Variants in TRERF1 observed in about 807,000 individuals in gnomAD.
The protein encoded by TRERF1 is transcriptional regulating factor 1, also known as transcriptional-regulating factor 1.
A neutral mutation model predicts 122.9 loss-of-function variants in TRERF1; 27 were observed. That is an observed-to-expected ratio of 0.22 (90% CI 0.16 to 0.30). TRERF1 has a LOEUF of 0.30. Among genes scored for constraint, TRERF1 ranks in the 10% least tolerant of loss-of-function variants. The pLI is 1.00. For missense variants in TRERF1, 1,248 were observed against 1,560.3 expected (o/e 0.80, Z 3.37); for synonymous variants, 636 against 641.7 (o/e 0.99, Z 0.13).
chr6:42,342,198 G>A lies in TRERF1; in HGVS notation c.-371+20799C>T, dbSNP rs540172319. Among the ~76,000 whole-genome samples the A allele has an allele frequency of 9.9e-4, 151 of 152,336 alleles. 1 individual carries two copies. The highest frequency in any genetic ancestry group is 2.5e-3 in the Admixed American group (38 of 15,300). On this transcript the variant is annotated intron_variant, in intron 3 of 17. Coordinates refer to ENST00000372922, the Ensembl canonical transcript of TRERF1. ...GAAAGCCCAACACGCAGTTGCTGAT[G>A]ACTGTCCCTTCCGCTTAGGGCATTC... is the stretch of plus-strand genomic sequence containing the variant.
intron 4 of TRERF1, among the ~76,000 whole-genome samples, chr6:42,277,722 A>G (rs753932093): frequency 2.0e-5 from 3 of 152,082 alleles, no homozygotes; most frequent in Non-Finnish European, 4.4e-5. Context: ...GTGCGCCTGT[A>G]GTCCCAGCTA....
intron 2 of TRERF1, among the ~76,000 whole-genome samples, chr6:42,409,009 C>T (rs986331690): frequency 6.6e-6 from 1 of 152,080 alleles, no homozygotes; most frequent in African/African-American, 2.4e-5. Flanking sequence ...TCTTCCAGGT[C>T]AGGCGCGGTG....
At chr6:42,233,411 G>A (rs570984549) in intron 16 of TRERF1, among the ~76,000 whole-genome samples, 11 of 149,206 alleles carry the variant, frequency 7.4e-5, no homozygotes, top group African/African-American at 1.2e-4. Context: ...TCAGCCTCCC[G>A]AGTAGCTGGG....
At chr6:42,254,740 G>C in intron 13 of TRERF1, 111 bp downstream of exon 13, 3 of 1,001,004 alleles carry the variant, frequency 3.0e-6, no homozygotes, top group Non-Finnish European at 4.7e-6. Flanking sequence ...GAGATCACAA[G>C]TGGTGATTAG....
intron 2 of TRERF1, among the ~76,000 whole-genome samples, chr6:42,434,872 A>C (rs1785054725): frequency 6.6e-6 from 1 of 152,194 alleles, no homozygotes; most frequent in Non-Finnish European, 1.5e-5. Context: ...TCATGCTTGT[A>C]ATCCCAGCAC....
chr6:42,451,588 G>A (rs1043889826), intron 1 of TRERF1, among the ~76,000 whole-genome samples, 86 bp downstream of exon 1: 16 of 150,198 alleles, frequency 1.1e-4, no homozygotes, highest in Admixed American at 3.3e-4. Flanking sequence ...CTCCCCGCAG[G>A]AAATCTGCTC....
rs745802102 is a variant in TRERF1 at position 42,228,553 on chromosome 6, A to G, written c.3395T>C (p.Ile1132Thr). 11 of 1,614,100 alleles carry G rather than the reference A, an allele frequency of 6.8e-6. No individual in the cohort carries two copies. Among genetic ancestry groups the G allele is most frequent in the Non-Finnish European group, 8.5e-6 (10 of 1,180,014 alleles). ...CCCCACGGGCCCCGTAGTCCTCTCA[A>G]TCGTGGCTGCCATCTCAGCTGCAAA... is the stretch of plus-strand genomic sequence containing the variant. Residue 1132 changes from isoleucine to threonine, a missense_variant, in exon 18 of 18, where the codon ATT becomes ACT. Coordinates refer to ENST00000372922, the Ensembl canonical transcript of TRERF1. This position sits in a 1 kb window ranked among gnomAD's most constrained non-coding sequence, Gnocchi z 4.2.
intron 3 of TRERF1, among the ~76,000 whole-genome samples, chr6:42,328,381 C>T (rs1764684545): frequency 6.6e-6 from 1 of 152,122 alleles, no homozygotes; most frequent in Non-Finnish European, 1.5e-5. Flanking sequence ...AGTACCTCTG[C>T]AGGTTTGTTA....
intron 2 of TRERF1, among the ~76,000 whole-genome samples, chr6:42,369,278 C>T (rs1246563303): frequency 2.6e-5 from 4 of 152,052 alleles, no homozygotes; most frequent in African/African-American, 9.7e-5. Flanking sequence ...GGTGAAACCC[C>T]GTCTCTACTA....
intron 3 of TRERF1, among the ~76,000 whole-genome samples, chr6:42,349,343 C>A (rs1768948715): frequency 6.6e-6 from 1 of 152,008 alleles, no homozygotes; most frequent in Admixed American, 6.6e-5. Flanking sequence ...AAAGCCTCAC[C>A]TGAGGCCGGA....
At chr6:42,257,042 G>A in exon 11 of TRERF1, 3 of 1,614,194 alleles carry the variant, frequency 1.9e-6, no homozygotes, top group Non-Finnish European at 2.5e-6. Context: ...CCTGGGCCAG[G>A]GCAGAGATAT....
intron 3 of TRERF1, among the ~76,000 whole-genome samples, chr6:42,343,856 C>T (rs867165240): frequency 1.9e-4 from 29 of 152,194 alleles, no homozygotes; most frequent in Non-Finnish European, 1.0e-4. Flanking sequence ...TCTTTATAAG[C>T]TGGCACCTAC....
chr6:42,256,477 T>A (rs1312198152), intron 12 of TRERF1, among the ~76,000 whole-genome samples: 1 of 152,056 alleles, frequency 6.6e-6, no homozygotes, highest in Non-Finnish European at 1.5e-5. Flanking sequence ...AATTCTAATG[T>A]CCTAGGACAG....
At position 42,228,533 on chromosome 6, in the gene TRERF1, C is replaced by T. The variant is rs142257528; in HGVS notation, c.3415G>A (p.Val1139Met). The T allele has an allele frequency of 2.3e-5, 37 of 1,614,198 alleles. No homozygotes were observed. Among genetic ancestry groups the T allele is most frequent in the South Asian group, 3.3e-5 (3 of 91,090 alleles). Residue 1139 changes from valine (V) to methionine (M), a missense_variant, in exon 18 of 18, where the codon GTG (valine) becomes ATG (methionine). Val to Met is a conservative substitution (Grantham distance 21). Transcript: ENST00000372922. The surrounding 1 kb of genome is among the most constrained non-coding windows in gnomAD (Gnocchi z 4.2). ...AGGGGCAGCAGCCCCGGCGCCCCCA[C>T]GGGCCCCGTAGTCCTCTCAATCGTG...
At chr6:42,315,113 T>C (rs960380322) in intron 3 of TRERF1, among the ~76,000 whole-genome samples, 1 of 152,104 alleles carries the variant, frequency 6.6e-6, no homozygotes, top group Non-Finnish European at 1.5e-5. Context: ...GGCAGCGTGG[T>C]AGGACGGGGT....
At chr6:42,271,934 C>CATTT (rs1375214904) in intron 4 of TRERF1, among the ~76,000 whole-genome samples, 3 of 152,030 alleles carry the variant, frequency 2.0e-5, no homozygotes, top group Non-Finnish European at 4.4e-5. Context: ...AATACAATTT[C>CATTT]CAGAAGAAAA....
chr6:42,228,255 G>T lies in TRERF1; in HGVS notation c.*90C>A. On this transcript the variant is annotated 3_prime_UTR_variant, in exon 18 of 18. Transcript: ENST00000372922. This position sits in a 1 kb window ranked among gnomAD's most constrained non-coding sequence, Gnocchi z 4.2. ...CACTTTTAAAACAGGTAGTTTAAAA[G>T]GGTTACAAAACAAGCAGGCAGTCCA... The T allele has an allele frequency of 8.7e-7, 1 of 1,152,608 alleles. No individual in the cohort carries two copies. The allele number at this position is 1,152,608 out of a possible 1,614,324, so 71.4% of individuals were successfully genotyped here.
intron 2 of TRERF1, among the ~76,000 whole-genome samples, chr6:42,386,885 T>C (rs1776901961): frequency 6.6e-6 from 1 of 152,188 alleles, no homozygotes; most frequent in South Asian, 2.1e-4. Context: ...AGGCTGATCA[T>C]TCTTTGTTGG....
chr6:42,442,485 G>T (rs1479243094), intron 2 of TRERF1, among the ~76,000 whole-genome samples: 1 of 152,090 alleles, frequency 6.6e-6, no homozygotes, highest in East Asian at 1.9e-4. Context: ...GACCACCCAG[G>T]TCCCTCTGCT....
Sources: gnomAD v4.1 joint callset for allele counts (sites outside exome capture counted in the v4.1 genomes callset) on GRCh38, gnomAD v4.1.1 for gene constraint, Gnocchi (gnomAD v3.1) non-coding constraint, MANE v1.5 for transcripts, NCBI Gene and HGNC (gene_info 2026-07-23, HGNC 2026-07-21) for gene names.